SEPHS1: variants seen among roughly 807,000 people sequenced by gnomAD.
The protein encoded by SEPHS1 is zincore component SEPHS1.
SEPHS1 carries 7 observed loss-of-function variants against 39.2 expected under a neutral mutation model. That is an observed-to-expected ratio of 0.18 (90% CI 0.10 to 0.34). The LOEUF (loss-of-function observed/expected upper bound fraction) is 0.34, where lower values mean the gene tolerates loss of function less well. Ranked by LOEUF, SEPHS1 falls within the 10% of genes least tolerant of loss-of-function variation. The probability of loss-of-function intolerance (pLI) is 1.00; values close to 1 mark genes in which losing one functional copy is unlikely to be tolerated. For missense variants in SEPHS1, 253 were observed against 514.5 expected (o/e 0.49, Z 4.92); for synonymous variants, 190 against 195.5 (o/e 0.97, Z 0.23).
Position 13,344,971 on chromosome 10 carries a change from C to G in SEPHS1, c.-21G>C. ...GACATGGTTCTTGGGCCCCGCTCTC[C>G]TCACAGCTCAGCCCCTCCCCTCCCT... On this transcript the variant is annotated 5_prime_UTR_variant, in exon 2 of 9. Coordinates refer to ENST00000327347, the MANE Select transcript of SEPHS1 (RefSeq NM_012247.5). 1.4e-6 allele frequency: 2 copies of G among 1,477,836 alleles called. No individual in the cohort carries two copies. The highest frequency in any genetic ancestry group is 1.8e-6 in the Non-Finnish European group (2 of 1,103,906). 91.5% of individuals were successfully genotyped at this position (1,477,836 alleles called of 1,614,324 possible). A position where few individuals can be genotyped will look rare whatever the true frequency, so the allele number is the denominator to read the frequency against.
chr10:13,328,108 T>C (rs1833358498), intron 7 of SEPHS1, among the ~76,000 whole-genome samples: 2 of 152,174 alleles, frequency 1.3e-5, no homozygotes, highest in Admixed American at 6.5e-5. Flanking sequence ...ACACAAACGC[T>C]TTCTAGAAAT....
At chr10:13,343,609 T>C (rs1341343025) in intron 2 of SEPHS1, among the ~76,000 whole-genome samples, 1 of 151,448 alleles carries the variant, frequency 6.6e-6, no homozygotes, top group African/African-American at 2.4e-5. Flanking sequence ...AGGTCAGGAG[T>C]TCGAGAACAG....
intron 2 of SEPHS1, among the ~76,000 whole-genome samples, chr10:13,339,867 A>G (rs1347661213): frequency 6.6e-5 from 10 of 152,174 alleles, no homozygotes; most frequent in Non-Finnish European, 7.3e-5. Context: ...AGATGCAACC[A>G]TCCACTTCTT....
intron 8 of SEPHS1, among the ~76,000 whole-genome samples, chr10:13,321,539 A>T (rs978013887): frequency 1.3e-5 from 2 of 152,180 alleles, no homozygotes; most frequent in African/African-American, 2.4e-5. Context: ...CGGCATGTGT[A>T]TATTTAAAAT....
intron 8 of SEPHS1, chr10:13,322,109 T>C (rs558711172): frequency 1.8e-5 from 8 of 441,840 alleles, no homozygotes; most frequent in East Asian, 7.0e-5. Flanking sequence ...TAATATCCTA[T>C]TGCATTCTTT....
At chr10:13,322,347 T>C (rs1343363002) in intron 8 of SEPHS1, among the ~76,000 whole-genome samples, 1 of 152,028 alleles carries the variant, frequency 6.6e-6, no homozygotes, top group Admixed American at 6.5e-5. Flanking sequence ...GGTTTCACCA[T>C]GTTGGCCAGG....
chr10:13,322,006 C>T (rs1328602997), intron 8 of SEPHS1: 6 of 454,076 alleles, frequency 1.3e-5, no homozygotes, highest in Admixed American at 2.4e-5. Context: ...TCTCTACCTA[C>T]GCTTGCTCCA....
Position 13,333,799 on chromosome 10 carries a change from A to G in SEPHS1, c.560+18T>C, listed in dbSNP as rs190652049. ...AGAGAAAAACAGGTCAGGTGATATG[A>G]AACAAAAATCAACTTACATGATAAA... On this transcript the variant is annotated intron_variant, in intron 5 of 8. Coordinates refer to ENST00000327347, the MANE Select transcript of SEPHS1 (RefSeq NM_012247.5). 4.9e-4 allele frequency: 787 copies of G among 1,611,784 alleles called. 2 individuals are homozygous for G. Among genetic ancestry groups the G allele is most frequent in the Middle Eastern group, 6.8e-4 (4 of 5,894 alleles).
chr10:13,334,182 G>A (rs1833555309), intron 4 of SEPHS1, among the ~76,000 whole-genome samples: 1 of 152,150 alleles, frequency 6.6e-6, no homozygotes, highest in South Asian at 2.1e-4. Context: ...CAGAGAGCTT[G>A]AGCCCAGGAG....
At chr10:13,342,366 A>G (rs993103300) in intron 2 of SEPHS1, among the ~76,000 whole-genome samples, 1 of 151,984 alleles carries the variant, frequency 6.6e-6, no homozygotes, top group African/African-American at 2.4e-5. Flanking sequence ...GGATAACCTG[A>G]GCTCAGGAGC....
In SEPHS1 at chr10:13,319,013, T is replaced by TA. The variant is rs1170636701; in HGVS notation, c.*128dup. ...TTTTATTTTATTAATTGTATCCACTTACAAACCGACCTAAGGTCACCCCGA... is the reference window on the plus strand; with the variant it reads ...TTTTATTTTATTAATTGTATCCACTTAACAAACCGACCTAAGGTCACCCCGA... On this transcript the variant is annotated 3_prime_UTR_variant, in exon 9 of 9. Transcript: ENST00000327347. 2.3e-6 allele frequency: 2 copies of TA among 869,018 alleles called. No individual in the cohort carries two copies. Among genetic ancestry groups the TA allele is most frequent in the Non-Finnish European group, 3.6e-6 (2 of 553,200 alleles). 53.8% of individuals were successfully genotyped at this position (869,018 alleles called of 1,614,324 possible).
intron 5 of SEPHS1, among the ~76,000 whole-genome samples, chr10:13,330,393 T>C (rs1833428136): frequency 6.6e-6 from 1 of 152,184 alleles, no homozygotes; most frequent in Non-Finnish European, 1.5e-5. Flanking sequence ...GACTGACTGA[T>C]GGTGAGTTTC....
intron 2 of SEPHS1, among the ~76,000 whole-genome samples, chr10:13,342,318 C>T (rs897896029): frequency 2.6e-5 from 4 of 151,106 alleles, no homozygotes; most frequent in African/African-American, 9.8e-5. Flanking sequence ...CGGTGGCTCA[C>T]GCCTGTAATC....
chr10:13,337,437 G>A (rs937579947), intron 3 of SEPHS1, among the ~76,000 whole-genome samples: 2 of 152,150 alleles, frequency 1.3e-5, no homozygotes, highest in Non-Finnish European at 2.9e-5. Context: ...AGACAATAAA[G>A]AGAAAATACA....
intron 2 of SEPHS1, among the ~76,000 whole-genome samples, chr10:13,344,121 T>C (rs184492294): frequency 1.3e-5 from 2 of 152,146 alleles, no homozygotes; most frequent in African/African-American, 4.8e-5. Context: ...CAGTCCCACC[T>C]CCTCACCGTA....
chr10:13,329,698 G>A lies in SEPHS1; in HGVS notation c.651C>T (p.Ile217=). The change falls in exon 6 of 9, where the codon ATC becomes ATT. Residue 217 remains isoleucine, a splice_region_variant and synonymous_variant. Transcript: ENST00000327347. The part of the protein sequence containing the change: ...VAVAVHQWLD[I]PEKWNKIKLV... ...CCCATCACAGCAGTGGTTTACTCAC[G>A]ATATCCAGCCACTGGTGCACAGCCA... 3.1e-6 allele frequency: 5 copies of A among 1,599,824 alleles called. No homozygotes were observed. Among genetic ancestry groups the A allele is most frequent in the Admixed American group, 1.7e-5 (1 of 57,574 alleles).
At chr10:13,323,388 T>C (rs1431049889) in intron 7 of SEPHS1, among the ~76,000 whole-genome samples, 1 of 152,090 alleles carries the variant, frequency 6.6e-6, no homozygotes, top group Non-Finnish European at 1.5e-5. Flanking sequence ...GGAGTCTCGC[T>C]CTGTCATCCA....
intron 5 of SEPHS1, among the ~76,000 whole-genome samples, chr10:13,333,535 G>T (rs1000925336): frequency 4.6e-5 from 7 of 151,894 alleles, no homozygotes; most frequent in African/African-American, 1.7e-4. Flanking sequence ...CCACCCCTGG[G>T]GTTCAAGCGA....
intron 5 of SEPHS1, among the ~76,000 whole-genome samples, chr10:13,330,064 G>A (rs1833420087): frequency 6.6e-6 from 1 of 152,094 alleles, no homozygotes; most frequent in African/African-American, 2.4e-5. Flanking sequence ...CTTGAGCCCA[G>A]GAGTTCAGGA....
Sources: gnomAD v4.1 joint callset for allele counts (sites outside exome capture counted in the v4.1 genomes callset) on GRCh38, gnomAD v4.1.1 for gene constraint, MANE v1.5 for transcripts, NCBI Gene and HGNC (gene_info 2026-07-23, HGNC 2026-07-21) for gene names.